KAZN: variants seen among roughly 807,000 people sequenced by gnomAD.
The protein encoded by KAZN is kazrin.
KAZN carries 40 observed loss-of-function variants against 87.4 expected under a neutral mutation model. The ratio of observed to expected loss-of-function variants is 0.46; its 90% CI spans 0.36 to 0.60. KAZN has a LOEUF of 0.60. Among genes scored for constraint, KAZN ranks in the 20% least tolerant of loss-of-function variants. The probability of loss-of-function intolerance (pLI) is 0.00; values close to 1 mark genes in which losing one functional copy is unlikely to be tolerated. For missense variants in KAZN, 898 were observed against 1,073.9 expected (o/e 0.84, Z 2.29); for synonymous variants, 466 against 458.3 (o/e 1.02, Z -0.22).
At chr1:14,737,203 C>G (rs182652443) in intron 1 of KAZN, among the ~76,000 whole-genome samples, 2 of 131,270 alleles carry the variant, frequency 1.5e-5, no homozygotes, top group Admixed American at 7.4e-5. Context: ...AAGGCACGCA[C>G]GGAGACCCTG....
chr1:14,137,852 G>C (rs977404256), intron 1 of KAZN, among the ~76,000 whole-genome samples: 7 of 151,938 alleles, frequency 4.6e-5, no homozygotes, highest in Non-Finnish European at 8.8e-5. Context: ...GGGATTACAG[G>C]CTTGTGCCAC....
chr1:14,228,206 A>G (rs899637439), intron 2 of KAZN, among the ~76,000 whole-genome samples: 6 of 152,112 alleles, frequency 3.9e-5, no homozygotes, highest in African/African-American at 1.4e-4. Context: ...TATAATGATG[A>G]TGGCAATGAC....
At chr1:14,812,094 T>C (rs573692718) in intron 1 of KAZN, among the ~76,000 whole-genome samples, 26 of 152,288 alleles carry the variant, frequency 1.7e-4, no homozygotes, top group Non-Finnish European at 3.8e-4. Flanking sequence ...AGCTGTCACA[T>C]CTTTCCCCAC....
chr1:14,137,995 T>A, intron 1 of KAZN, among the ~76,000 whole-genome samples: 1 of 152,154 alleles, frequency 6.6e-6, no homozygotes, highest in Non-Finnish European at 1.5e-5. Flanking sequence ...ATTTCCCATG[T>A]ATGAAATGGG....
At chr1:14,945,782 CT>C in intron 1 of KAZN, 3 of 703,630 alleles carry the variant, frequency 4.3e-6, no homozygotes, top group Non-Finnish European at 5.2e-6. Flanking sequence ...CCCCGCAGCA[CT>C]TTCAAGCTCC....
intron 2 of KAZN, among the ~76,000 whole-genome samples, chr1:14,225,123 G>A (rs1248694056): frequency 6.6e-6 from 1 of 152,094 alleles, no homozygotes; most frequent in East Asian, 1.9e-4. Context: ...TCTGTTTGCA[G>A]ACAATATAAT....
intron 2 of KAZN, among the ~76,000 whole-genome samples, chr1:14,394,291 T>A (rs967206007): frequency 1.3e-5 from 2 of 152,252 alleles, no homozygotes; most frequent in Non-Finnish European, 2.9e-5. Flanking sequence ...ACCCTGGGAC[T>A]CTCTTGCCAT....
chr1:14,658,757 C>T (rs1195763927), intron 1 of KAZN, among the ~76,000 whole-genome samples: 2 of 152,144 alleles, frequency 1.3e-5, no homozygotes, highest in South Asian at 4.1e-4. Flanking sequence ...CCCACATTCC[C>T]TCGCCCCACC....
chr1:14,977,617 G>A (rs11586042), intron 2 of KAZN, among the ~76,000 whole-genome samples: 7,355 of 152,328 alleles, frequency 0.048, 591 homozygotes, highest in African/African-American at 0.17. Flanking sequence ...GGCATCAGTG[G>A]AGAGAGAGGA....
At chr1:14,886,677 G>A (rs1414575758) in intron 1 of KAZN, among the ~76,000 whole-genome samples, 1 of 152,076 alleles carries the variant, frequency 6.6e-6, no homozygotes, top group African/African-American at 2.4e-5. Flanking sequence ...TGTAATCCCA[G>A]CTACTCCGGA....
intron 1 of KAZN, among the ~76,000 whole-genome samples, chr1:14,060,953 G>A (rs974125584): frequency 1.3e-5 from 2 of 152,182 alleles, no homozygotes; most frequent in African/African-American, 4.8e-5. Flanking sequence ...TTGGAGACTG[G>A]AGACTTGGGG....
At chr1:15,093,059 A>G (rs1224155194) in intron 8 of KAZN, among the ~76,000 whole-genome samples, 1 of 152,080 alleles carries the variant, frequency 6.6e-6, no homozygotes, top group East Asian at 1.9e-4. Context: ...GTTGTTTACA[A>G]TAGTGAAAAA....
At chr1:15,019,882 G>A (rs1004276010) in intron 2 of KAZN, among the ~76,000 whole-genome samples, 6 of 152,136 alleles carry the variant, frequency 3.9e-5, no homozygotes, top group African/African-American at 1.4e-4. Flanking sequence ...TATTAGTGCT[G>A]GGGAAGCCAC....
chr1:14,555,836 T>C (rs1673829810), intron 2 of KAZN, among the ~76,000 whole-genome samples: 1 of 152,216 alleles, frequency 6.6e-6, no homozygotes, highest in African/African-American at 2.4e-5. Flanking sequence ...CCGATGTTTG[T>C]ACAAAGGTGT....
chr1:14,060,205 T>C lies in KAZN; in HGVS notation c.92-120230T>C, dbSNP rs528276604. 3.3e-5 allele frequency among the ~76,000 whole-genome samples: 5 copies of C among 151,746 alleles called. No individual in the cohort carries two copies. In the South Asian group the frequency reaches 1.0e-3, roughly 32 times the overall value. Reference sequence around the variant, plus strand: ...AGTGAAACCCCGTCTCTACTAAAAATACAAAAAATTAGCTGGGCGTGGCAG... The same window carrying C: ...AGTGAAACCCCGTCTCTACTAAAAACACAAAAAATTAGCTGGGCGTGGCAG... On this transcript the variant is annotated intron_variant, in intron 1 of 16. Coordinates refer to the KAZN transcript ENST00000636203.
chr1:14,654,816 T>G (rs1638687701), intron 1 of KAZN, among the ~76,000 whole-genome samples: 1 of 152,206 alleles, frequency 6.6e-6, no homozygotes, highest in African/African-American at 2.4e-5. Context: ...GCTGGAGGAA[T>G]AGTCCCCTCC....
chr1:14,328,667 T>C (rs150189967), intron 2 of KAZN, among the ~76,000 whole-genome samples: 5,269 of 146,632 alleles, frequency 0.036, 338 homozygotes, highest in African/African-American at 0.13. Context: ...TGCACCACTG[T>C]ACTCCAGCCT....
chr1:14,136,636 A>G (rs1645115052), intron 1 of KAZN, among the ~76,000 whole-genome samples: 1 of 109,414 alleles, frequency 9.1e-6, no homozygotes, highest in Admixed American at 1.0e-4. Flanking sequence ...CCCTGGAAAG[A>G]AGAGTGGGAG....
intron 1 of KAZN, among the ~76,000 whole-genome samples, chr1:14,686,796 G>T (rs993101986): frequency 6.6e-6 from 1 of 152,226 alleles, no homozygotes. Context: ...TTGCGGTGGG[G>T]CTGCATGGCC....
Sources: gnomAD v4.1 joint callset for allele counts (sites outside exome capture counted in the v4.1 genomes callset) on GRCh38, gnomAD v4.1.1 for gene constraint, MANE v1.5 for transcripts, NCBI Gene and HGNC (gene_info 2026-07-23, HGNC 2026-07-21) for gene names.